Variants in EPM2A observed in about 807,000 individuals in gnomAD.
The protein encoded by EPM2A is EPM2A glucan phosphatase, laforin.
In EPM2A, 21 loss-of-function variants were observed where a neutral mutation model predicts 26.5. That is an observed-to-expected ratio of 0.79 (90% confidence interval 0.56 to 1.14). The LOEUF (loss-of-function observed/expected upper bound fraction) is 1.14. EPM2A is among the 50% of genes most tolerant of loss of function. The pLI, the probability that EPM2A is intolerant of heterozygous loss-of-function variation, is 0.00. For synonymous variants in EPM2A, 217 were observed against 177.6 expected, an observed-to-expected ratio of 1.22 and a Z score of -1.76; for missense variants, 458 against 440.8, an observed-to-expected ratio of 1.04 and a Z score of -0.35.
intron 1 of EPM2A, among the ~76,000 whole-genome samples, chr6:145,710,977 G>A (rs900948596): frequency 1.7e-5 from 2 of 115,708 alleles, no homozygotes; most frequent in Non-Finnish European, 3.4e-5. Context: ...GTTGTGGGGT[G>A]GGGGGAGGGG....
intron 4 of EPM2A, chr6:145,491,910 T>C (rs1294296433): frequency 4.2e-6 from 2 of 479,222 alleles, no homozygotes; most frequent in Non-Finnish European, 8.2e-6. Context: ...ATTGAAAGAA[T>C]TTATAGAAGA....
At chr6:145,546,196 G>A (rs549817787) in intron 2 of EPM2A, among the ~76,000 whole-genome samples, 28 of 152,246 alleles carry the variant, frequency 1.8e-4, no homozygotes, top group African/African-American at 6.3e-4. Flanking sequence ...TGCCTACACT[G>A]TAACTCAATC....
chr6:145,500,851 C>T (rs903620175), downstream of EPM2A, among the ~76,000 whole-genome samples: 13 of 152,098 alleles, frequency 8.5e-5, no homozygotes, highest in African/African-American at 3.1e-4. Context: ...TCTTGACCAG[C>T]TCTCTCCCTT....
intron 2 of EPM2A, among the ~76,000 whole-genome samples, chr6:145,676,445 T>C (rs1009285615): frequency 6.6e-6 from 1 of 151,692 alleles, no homozygotes; most frequent in Non-Finnish European, 1.5e-5. Context: ...CTGAAGGAGA[T>C]AGAGACACAA....
chr6:145,600,386 T>C (rs1781401553), intron 2 of EPM2A, among the ~76,000 whole-genome samples: 1 of 152,208 alleles, frequency 6.6e-6, no homozygotes, highest in African/African-American at 2.4e-5. Context: ...AGTTTTTCAC[T>C]GGTCATCTCC....
chr6:145,509,955 A>G (rs1200211020), intron 2 of EPM2A, among the ~76,000 whole-genome samples: 3 of 152,166 alleles, frequency 2.0e-5, no homozygotes, highest in African/African-American at 7.2e-5. Flanking sequence ...TATAAAATAT[A>G]CTTTAAACCA....
At chr6:145,506,346 T>C (rs2114757499) in intron 2 of EPM2A, among the ~76,000 whole-genome samples, 1 of 152,294 alleles carries the variant, frequency 6.6e-6, no homozygotes, top group African/African-American at 2.4e-5. Context: ...CATCCAGGAA[T>C]TCCACTCCTG....
chr6:145,655,539 T>C (rs864148), intron 2 of EPM2A, among the ~76,000 whole-genome samples: 94,631 of 151,958 alleles, frequency 0.62, 29,852 homozygotes, highest in East Asian at 0.74. Context: ...AGGCAGAAGC[T>C]GTAATATGTT....
At chr6:145,685,939 C>T (rs1052651966) in intron 2 of EPM2A, among the ~76,000 whole-genome samples, 183 bp downstream of exon 2, 1 of 152,042 alleles carries the variant, frequency 6.6e-6, no homozygotes, top group African/African-American at 2.4e-5. Context: ...TTTTAAAATC[C>T]TCCACATCTA....
chr6:145,691,430 TA>T (rs1781274935), intron 1 of EPM2A, among the ~76,000 whole-genome samples: 2 of 152,120 alleles, frequency 1.3e-5, no homozygotes, highest in African/African-American at 4.8e-5. Context: ...AAAACATGCT[TA>T]TGAAGGAAAA....
intron 2 of EPM2A, among the ~76,000 whole-genome samples, chr6:145,513,433 C>T (rs781440826): frequency 6.6e-6 from 1 of 152,148 alleles, no homozygotes; most frequent in Non-Finnish European, 1.5e-5. Context: ...AAAGGGAATG[C>T]TCATACACTG....
At chr6:145,392,920 CA>C (rs1778356864) in intron 4 of EPM2A, among the ~76,000 whole-genome samples, 1 of 151,650 alleles carries the variant, frequency 6.6e-6, no homozygotes. Context: ...TTTTCCATGT[CA>C]AATAGATTGG....
At chr6:145,548,121 A>G (rs978755998) in intron 2 of EPM2A, among the ~76,000 whole-genome samples, 2 of 152,104 alleles carry the variant, frequency 1.3e-5, no homozygotes, top group African/African-American at 4.8e-5. Flanking sequence ...CAGTGAAATC[A>G]TGCTCTTTAT....
chr6:145,513,784 C>G (rs979119008), intron 2 of EPM2A, among the ~76,000 whole-genome samples: 1 of 152,128 alleles, frequency 6.6e-6, no homozygotes, highest in Non-Finnish European at 1.5e-5. Flanking sequence ...ACAGAAGAAG[C>G]CAGCCATCTC....
intron 2 of EPM2A, among the ~76,000 whole-genome samples, chr6:145,542,010 G>A (rs1562376043): frequency 6.6e-6 from 1 of 150,896 alleles, no homozygotes; most frequent in African/African-American, 2.4e-5. Context: ...ATAAAGCATA[G>A]AATTGTTTGA....
At chr6:145,557,904 C>T (rs111781725) in intron 2 of EPM2A, among the ~76,000 whole-genome samples, 1,522 of 152,168 alleles carry the variant, frequency 0.01, 20 homozygotes, top group African/African-American at 0.034. Context: ...CCTCTCCAGC[C>T]CCCGGTAACC....
At chr6:145,724,821 A>C (rs1776115711) in intron 1 of EPM2A, among the ~76,000 whole-genome samples, 1 of 152,046 alleles carries the variant, frequency 6.6e-6, no homozygotes, top group Non-Finnish European at 1.5e-5. Flanking sequence ...CTAGCCACAG[A>C]CCTTATATAA....
chr6:145,597,936 G>C (rs1781370209), intron 2 of EPM2A, among the ~76,000 whole-genome samples: 2 of 152,102 alleles, frequency 1.3e-5, no homozygotes. Context: ...AGTATTCCGT[G>C]GTATGTATGT....
intron 2 of EPM2A, among the ~76,000 whole-genome samples, chr6:145,583,455 T>C (rs949901438): frequency 2.0e-5 from 3 of 152,178 alleles, no homozygotes; most frequent in African/African-American, 7.2e-5. Context: ...TGTGCTGTGT[T>C]TTCTAACTCT....
Sources: gnomAD v4.1 joint callset for allele counts (sites outside exome capture counted in the v4.1 genomes callset) on GRCh38, gnomAD v4.1.1 for gene constraint, MANE v1.5 for transcripts, NCBI Gene and HGNC (gene_info 2026-07-23, HGNC 2026-07-21) for gene names.